LRPPRC: variants seen among roughly 807,000 people sequenced by gnomAD.
LRPPRC encodes leucine-rich PPR motif-containing protein, mitochondrial.
LRPPRC carries 120 observed loss-of-function variants against 180.3 expected under a neutral mutation model. The observed-to-expected ratio is 0.67, with a 90% CI of 0.57 to 0.77. The LOEUF (loss-of-function observed/expected upper bound fraction) is 0.77. Among genes scored for constraint, LRPPRC ranks in the 30% least tolerant of loss-of-function variants. The pLI is 0.00. For synonymous variants in LRPPRC, 723 were observed against 600.0 expected, an observed-to-expected ratio of 1.21 and a Z score of -3.00; for missense variants, 2,012 against 1,657.2, an observed-to-expected ratio of 1.21 and a Z score of -3.72.
chr2:43,928,511 C>T (rs951047665), intron 25 of LRPPRC, among the ~76,000 whole-genome samples: 8 of 152,062 alleles, frequency 5.3e-5, no homozygotes, highest in African/African-American at 1.2e-4. Context: ...CAACAAAAAC[C>T]GCCCGCCCTA....
At chr2:43,994,651 G>A (rs1261761027) in intron 1 of LRPPRC, among the ~76,000 whole-genome samples, 1 of 152,128 alleles carries the variant, frequency 6.6e-6, no homozygotes, top group African/African-American at 2.4e-5. Flanking sequence ...CCTTACGCGA[G>A]CTCTCAAAGT....
At chr2:43,922,186 A>C (rs534656469) in intron 27 of LRPPRC, among the ~76,000 whole-genome samples, 1 of 152,350 alleles carries the variant, frequency 6.6e-6, no homozygotes, top group South Asian at 2.1e-4. Flanking sequence ...AAAATTTTGT[A>C]ACAGATCATG....
rs1470917716 is a variant in LRPPRC, at chr2:43,976,238, G to A, written c.651-9C>T. 1 of 1,457,930 alleles carries A rather than the reference G, an allele frequency of 6.9e-7. No individual in the cohort carries two copies. The highest frequency in any genetic ancestry group is 1.4e-5 in the African/African-American group (1 of 72,048). 90.3% of individuals were successfully genotyped at this position (1,457,930 alleles called of 1,614,324 possible). ...TAAATCCAAGAATCTTGCTGCAAAG[G>A]AAAAACGAAGATACTCATTGAAAGT... On this transcript the variant is annotated splice_polypyrimidine_tract_variant and intron_variant, in intron 5 of 37. Transcript: ENST00000260665.
At chr2:43,914,311 C>T (rs1008960356) in intron 29 of LRPPRC, among the ~76,000 whole-genome samples, 1 of 151,942 alleles carries the variant, frequency 6.6e-6, no homozygotes, top group African/African-American at 2.4e-5. Context: ...GTGACAATCA[C>T]GATATACCTT....
At chr2:43,936,503 G>T (rs1672284802) in intron 23 of LRPPRC, among the ~76,000 whole-genome samples, 1 of 152,166 alleles carries the variant, frequency 6.6e-6, no homozygotes, top group Non-Finnish European at 1.5e-5. Flanking sequence ...TTCAAAACCA[G>T]AAAGTCCTTT....
At chr2:43,928,855 T>C (rs760037915) in intron 25 of LRPPRC, among the ~76,000 whole-genome samples, 4 of 152,160 alleles carry the variant, frequency 2.6e-5, no homozygotes, top group Non-Finnish European at 4.4e-5. Flanking sequence ...AGTTTGACCA[T>C]CTGTGCAGTC....
intron 11 of LRPPRC, among the ~76,000 whole-genome samples, chr2:43,973,326 GT>G (rs35735312): frequency 4.6e-5 from 7 of 151,826 alleles, no homozygotes; most frequent in African/African-American, 1.2e-4. Context: ...GAACTAAAGA[GT>G]TTTTTTAAGA....
chr2:43,919,756 G>T (rs1016906256), intron 27 of LRPPRC, among the ~76,000 whole-genome samples: 1 of 151,950 alleles, frequency 6.6e-6, no homozygotes, highest in Non-Finnish European at 1.5e-5. Flanking sequence ...GACACTAAGT[G>T]TAATACAATT....
intron 25 of LRPPRC, among the ~76,000 whole-genome samples, chr2:43,930,700 T>C (rs1273817487): frequency 1.3e-5 from 2 of 152,342 alleles, no homozygotes; most frequent in East Asian, 3.9e-4. Context: ...GTGGGTCAAA[T>C]GTCATTACCA....
Position 43,889,814 on chromosome 2 carries a change from T to C in LRPPRC, c.4048A>G (p.Lys1350Glu). Residue 1350 changes from lysine to glutamate, a missense_variant, in exon 37 of 38, where the codon AAA (lysine) becomes GAA (glutamate). Physicochemically the swap from Lys to Glu is moderately conservative, Grantham distance 56 (BLOSUM62 1). Coordinates refer to ENST00000260665, the MANE Select transcript of LRPPRC (RefSeq NM_133259.4). ...CGCTTTAGAAACAGATCATCCAATTTTGTATTCTTTGCAGTCAAATGTTCA... is the reference window on the plus strand; with the variant it reads ...CGCTTTAGAAACAGATCATCCAATTCTGTATTCTTTGCAGTCAAATGTTCA... ...LYEHLTAKNT[K>E]LDDLFLKRYA... 1 of 1,610,524 alleles carries C rather than the reference T, an allele frequency of 6.2e-7. No homozygotes were observed. Among genetic ancestry groups the C allele is most frequent in the South Asian group, 1.1e-5 (1 of 91,002 alleles).
intron 14 of LRPPRC, among the ~76,000 whole-genome samples, chr2:43,952,148 G>GC (rs966711926): frequency 1.3e-5 from 2 of 151,792 alleles, no homozygotes; most frequent in African/African-American, 4.8e-5. Context: ...AGCCAAGATC[G>GC]CGCCACTGCA....
At chr2:43,946,021 A>T in intron 21 of LRPPRC, 92 bp downstream of exon 21, 1 of 1,308,030 alleles carries the variant, frequency 7.6e-7, no homozygotes, top group Admixed American at 1.7e-5. Context: ...AAATGACATT[A>T]TATAAGAGAG....
chr2:43,899,436 T>A (rs776739972), intron 33 of LRPPRC, 30 bp downstream of exon 33: 1 of 1,613,820 alleles, frequency 6.2e-7, no homozygotes, highest in South Asian at 1.1e-5. Context: ...AATGTGCTTG[T>A]GTGTTCTTTA....
intron 14 of LRPPRC, among the ~76,000 whole-genome samples, chr2:43,951,380 G>C (rs1196598318): frequency 6.6e-6 from 1 of 152,142 alleles, no homozygotes; most frequent in African/African-American, 2.4e-5. Context: ...GGAAAGTAGA[G>C]AACAATCAGA....
At chr2:43,928,530 T>A (rs1476121804) in intron 25 of LRPPRC, among the ~76,000 whole-genome samples, 4 of 151,984 alleles carry the variant, frequency 2.6e-5, no homozygotes, top group Non-Finnish European at 4.4e-5. Context: ...TAGCCTCATG[T>A]CCCCTAGTTA....
intron 29 of LRPPRC, among the ~76,000 whole-genome samples, chr2:43,914,968 G>A (rs1277079745): frequency 6.6e-6 from 1 of 150,588 alleles, no homozygotes; most frequent in African/African-American, 2.5e-5. Context: ...CAGCACTTTG[G>A]GAGGCTCAGG....
intron 26 of LRPPRC, 85 bp downstream of exon 26, chr2:43,925,808 G>T: frequency 1.1e-6 from 1 of 870,914 alleles, no homozygotes; most frequent in Non-Finnish European, 2.0e-6. Context: ...GTCTCTCGAA[G>T]TCCCCAAATC....
chr2:43,980,347 A>T (rs993133432), intron 2 of LRPPRC, among the ~76,000 whole-genome samples: 1 of 152,132 alleles, frequency 6.6e-6, no homozygotes, highest in African/African-American at 2.4e-5. Flanking sequence ...TGAGGTCGGG[A>T]GTTTGAGACC....
chr2:43,897,213 CTATT>C (rs1670717576), intron 34 of LRPPRC, among the ~76,000 whole-genome samples: 1 of 152,082 alleles, frequency 6.6e-6, no homozygotes, highest in Non-Finnish European at 1.5e-5. Context: ...TTCAATCTCT[CTATT>C]TTATAAAAGG....
Sources: gnomAD v4.1 joint callset for allele counts (sites outside exome capture counted in the v4.1 genomes callset) on GRCh38, gnomAD v4.1.1 for gene constraint, MANE v1.5 for transcripts, NCBI Gene and HGNC (gene_info 2026-07-23, HGNC 2026-07-21) for gene names.